Variants in RAB31 observed in about 807,000 individuals in gnomAD.
The protein encoded by RAB31 is ras-related protein Rab-31.
RAB31 carries 21 observed loss-of-function variants against 25.6 expected under a neutral mutation model. The ratio of observed to expected loss-of-function variants is 0.82; its 90% confidence interval spans 0.58 to 1.18. The LOEUF (loss-of-function observed/expected upper bound fraction) is 1.18, where lower values mean the gene tolerates loss of function less well. Ranked by LOEUF, RAB31 falls within the 50% of genes most tolerant of loss-of-function variation. The pLI is 0.00. For missense variants in RAB31, 196 were observed against 250.1 expected (o/e 0.78, Z 1.46); for synonymous variants, 87 against 84.0 (o/e 1.04, Z -0.20).
chr18:9,777,454 C>T (rs1396985621), intron 2 of RAB31, among the ~76,000 whole-genome samples: 1 of 152,174 alleles, frequency 6.6e-6, no homozygotes, highest in Non-Finnish European at 1.5e-5. Context: ...TGTTTACTTG[C>T]AAGATGTGCA....
chr18:9,810,379 A>C (rs77968376), intron 3 of RAB31, among the ~76,000 whole-genome samples: 346 of 152,276 alleles, frequency 2.3e-3, no homozygotes, highest in African/African-American at 8.2e-3. Flanking sequence ...ACTGAGGCTG[A>C]TTGTGGTGCT....
chr18:9,781,513 A>G (rs1203744651), intron 2 of RAB31, among the ~76,000 whole-genome samples: 2 of 152,122 alleles, frequency 1.3e-5, no homozygotes, highest in Non-Finnish European at 2.9e-5. Context: ...GGGTTTCACC[A>G]TGTTGGCCAG....
At chr18:9,710,585 G>A (rs1193807123) in intron 1 of RAB31, among the ~76,000 whole-genome samples, 1 of 152,148 alleles carries the variant, frequency 6.6e-6, no homozygotes, top group African/African-American at 2.4e-5. Flanking sequence ...GGTCGCGTTG[G>A]CTCACACCTG....
intron 1 of RAB31, among the ~76,000 whole-genome samples, chr18:9,714,587 C>T (rs1221051182): frequency 6.6e-6 from 1 of 152,202 alleles, no homozygotes; most frequent in Non-Finnish European, 1.5e-5. Context: ...TTTAATTAAG[C>T]CTGGTAGATA....
At position 9,792,802 on chromosome 18, in the gene RAB31, G is replaced by A. The variant is rs189841884; in HGVS notation, c.201+567G>A. On this transcript the variant is annotated intron_variant, in intron 3 of 6. Transcript: ENST00000578921. ...ACACTGACCCCTAGAGGCAAGGGCT[G>A]GTGTCAGCCCCACCTGAACCATGTT... is the stretch of plus-strand genomic sequence containing the variant. Among the ~76,000 whole-genome samples the A allele has an allele frequency of 4.8e-3, 724 of 152,202 alleles. 4 individuals carry two copies. The highest frequency in any genetic ancestry group is 8.6e-3 in the Non-Finnish European group (583 of 68,014).
chr18:9,768,208 G>A (rs187804503), intron 1 of RAB31, among the ~76,000 whole-genome samples: 1 of 152,238 alleles, frequency 6.6e-6, no homozygotes, highest in East Asian at 1.9e-4. Flanking sequence ...ATAATCCTTT[G>A]TGTATATAAC....
At position 9,841,432 on chromosome 18, in the gene RAB31, C is replaced by T. The variant is rs532882517; in HGVS notation, c.381-4150C>T. Among the ~76,000 whole-genome samples, 14 of 151,174 alleles carry T rather than the reference C, an allele frequency of 9.3e-5. No homozygotes were observed. In the East Asian group the frequency reaches 9.9e-4, roughly 11 times the overall value. ...CAGGCGCCTGTAGTCCCAGCTATTCCGGAGGCTGAGGCAGGAGAATGGCGT... is the reference window on the plus strand; with the variant it reads ...CAGGCGCCTGTAGTCCCAGCTATTCTGGAGGCTGAGGCAGGAGAATGGCGT... On this transcript the variant is annotated intron_variant, in intron 5 of 6. Coordinates refer to ENST00000578921, the MANE Select transcript of RAB31 (RefSeq NM_006868.4).
chr18:9,759,185 C>CTTTTTGTTTTTG (rs1210049085), intron 1 of RAB31, among the ~76,000 whole-genome samples: 1 of 151,916 alleles, frequency 6.6e-6, no homozygotes, highest in Non-Finnish European at 1.5e-5. Flanking sequence ...TACAGCGGGT[C>CTTTTTGTTTTTG]TTTTTGTTTT....
At chr18:9,858,941 G>A (rs1426555884) in intron 6 of RAB31, among the ~76,000 whole-genome samples, 1 of 152,180 alleles carries the variant, frequency 6.6e-6, no homozygotes, top group Non-Finnish European at 1.5e-5. Context: ...GCCCCCAGGA[G>A]TGGATCTTCC....
intron 3 of RAB31, among the ~76,000 whole-genome samples, chr18:9,805,260 C>T (rs1356905333): frequency 8.6e-6 from 1 of 115,650 alleles, no homozygotes; most frequent in African/African-American, 3.2e-5. Context: ...TGTCTCAAAA[C>T]AAAAACAAAA....
At chr18:9,790,442 C>T (rs541593558) in intron 2 of RAB31, among the ~76,000 whole-genome samples, 1 of 151,834 alleles carries the variant, frequency 6.6e-6, no homozygotes, top group Non-Finnish European at 1.5e-5. Flanking sequence ...TGCTCTGTTG[C>T]CCAAGCTGGT....
chr18:9,750,480 A>G (rs2068229184), intron 1 of RAB31, among the ~76,000 whole-genome samples: 1 of 152,146 alleles, frequency 6.6e-6, no homozygotes, highest in Non-Finnish European at 1.5e-5. Flanking sequence ...GTCATTCTTA[A>G]ATATATGAAT....
intron 3 of RAB31, among the ~76,000 whole-genome samples, chr18:9,800,420 C>A (rs1418640725): frequency 1.3e-5 from 2 of 152,234 alleles, no homozygotes; most frequent in Non-Finnish European, 2.9e-5. Flanking sequence ...TAATGTTTGA[C>A]TTTCCATGGC....
intron 2 of RAB31, among the ~76,000 whole-genome samples, chr18:9,791,062 GA>G (rs1012169809): frequency 5.3e-5 from 8 of 151,850 alleles, no homozygotes; most frequent in South Asian, 2.1e-4. Flanking sequence ...TAGAAGGGAG[GA>G]AAAAAAATCC....
At chr18:9,801,809 CT>C (rs2068515355) in intron 3 of RAB31, among the ~76,000 whole-genome samples, 1 of 152,216 alleles carries the variant, frequency 6.6e-6, no homozygotes, top group Non-Finnish European at 1.5e-5. Context: ...GTTTTATAGT[CT>C]TAGCTCTCAC....
chr18:9,857,547 C>CAA (rs1245317158), intron 6 of RAB31, among the ~76,000 whole-genome samples: 3 of 135,712 alleles, frequency 2.2e-5, no homozygotes, highest in African/African-American at 8.1e-5. Flanking sequence ...ATACCACAAC[C>CAA]AAAAAAAAAA....
At position 9,859,525 on chromosome 18, in the gene RAB31, C is replaced by T; in HGVS notation, c.*200C>T. 4.3e-6 allele frequency: 2 copies of T among 465,412 alleles called. No homozygotes were observed. The highest frequency in any genetic ancestry group is 8.0e-5 in the South Asian group (2 of 24,932). 28.8% of individuals were successfully genotyped at this position (465,412 alleles called of 1,614,324 possible). Reference sequence around the variant, plus strand: ...TAGAAAACCCTGGGAAAACCCACCACACCACCACAAAATGGCCTTTAGTGT... The same window carrying T: ...TAGAAAACCCTGGGAAAACCCACCATACCACCACAAAATGGCCTTTAGTGT... On this transcript the variant is annotated 3_prime_UTR_variant, in exon 7 of 7. Coordinates refer to ENST00000578921, the MANE Select transcript of RAB31 (RefSeq NM_006868.4).
intron 5 of RAB31, among the ~76,000 whole-genome samples, chr18:9,818,552 G>T (rs1019988503): frequency 6.6e-6 from 1 of 152,090 alleles, no homozygotes. Context: ...ATATTTCATT[G>T]TATGGATATA....
At chr18:9,813,866 A>T (rs2068587513) in intron 3 of RAB31, among the ~76,000 whole-genome samples, 154 bp from the exon 4 acceptor site, 1 of 152,156 alleles carries the variant, frequency 6.6e-6, no homozygotes. Flanking sequence ...AAAATAAAAT[A>T]AAATAAATAA....
Sources: allele counts gnomAD v4.1 joint callset (sites outside exome capture counted in the v4.1 genomes callset), GRCh38; gene constraint gnomAD v4.1.1; transcripts MANE v1.5; gene names NCBI Gene and HGNC (gene_info 2026-07-23, HGNC 2026-07-21).